Variants in ZC3H12B observed in about 807,000 individuals in gnomAD.
ZC3H12B encodes the protein zinc finger CCCH-type containing 12B.
Under a neutral mutation model 43.9 loss-of-function variants are expected in ZC3H12B, and 7 were observed. The ratio of observed to expected loss-of-function variants is 0.16; its 90% CI spans 0.09 to 0.30. The LOEUF (loss-of-function observed/expected upper bound fraction) is 0.30, where lower values mean the gene tolerates loss of function less well. Ranked by LOEUF, ZC3H12B falls within the 10% of genes least tolerant of loss-of-function variation. ZC3H12B has a pLI of 1.00. For synonymous variants in ZC3H12B, 222 were observed against 241.7 expected, an observed-to-expected ratio of 0.92 and a Z score of 0.76; for missense variants, 475 against 670.2, an observed-to-expected ratio of 0.71 and a Z score of 3.22.
chrX:65,478,965 C>A (rs899060867), intron 3 of ZC3H12B, among the ~76,000 whole-genome samples: 1 of 112,145 alleles, frequency 8.9e-6, no homozygotes, highest in Admixed American at 9.5e-5. Flanking sequence ...CCCCATCAGG[C>A]AGCTGTGATA....
At chrX:65,216,752 T>G in the ZC3H12B span, among the ~76,000 whole-genome samples, 1 of 111,860 alleles carries the variant, frequency 8.9e-6, no homozygotes, top group East Asian at 2.8e-4. Context: ...TCTTACAACA[T>G]GAGTACTAGC....
the ZC3H12B span, among the ~76,000 whole-genome samples, chrX:65,229,411 G>T: frequency 9.3e-6 from 1 of 107,384 alleles, no homozygotes; most frequent in Non-Finnish European, 1.9e-5. Flanking sequence ...TTAAACGTTA[G>T]ACCTAAAACC....
At chrX:65,161,410 G>A in the ZC3H12B span, among the ~76,000 whole-genome samples, 1 of 111,327 alleles carries the variant, frequency 9.0e-6, no homozygotes, top group Non-Finnish European at 1.9e-5. Flanking sequence ...TCTCTTTGTA[G>A]GTCACTCAGG....
the ZC3H12B span, among the ~76,000 whole-genome samples, chrX:65,162,442 A>G: frequency 9.0e-6 from 1 of 111,433 alleles, no homozygotes; most frequent in Admixed American, 9.6e-5. Flanking sequence ...AAAGTCCCTT[A>G]TTTCCTGGAG....
chrX:65,045,144 C>T, the ZC3H12B span, among the ~76,000 whole-genome samples: 2 of 111,355 alleles, frequency 1.8e-5, no homozygotes, highest in South Asian at 7.6e-4. Context: ...AGGATTTTTC[C>T]TTGATGTAGA....
the ZC3H12B span, among the ~76,000 whole-genome samples, chrX:65,164,795 A>G: frequency 8.9e-6 from 1 of 112,027 alleles, no homozygotes; most frequent in Non-Finnish European, 1.9e-5. Context: ...AGGTACTGGC[A>G]ATTTCCCCTC....
chrX:65,217,032 C>T, the ZC3H12B span, among the ~76,000 whole-genome samples: 1 of 111,280 alleles, frequency 9.0e-6, no homozygotes, highest in Non-Finnish European at 1.9e-5. Flanking sequence ...CAACCCAGAG[C>T]AGTACCAACT....
At chrX:65,153,364 A>T in the ZC3H12B span, among the ~76,000 whole-genome samples, 1 of 112,211 alleles carries the variant, frequency 8.9e-6, no homozygotes, top group Non-Finnish European at 1.9e-5. Flanking sequence ...CAGAATCTAC[A>T]ATGAACTCAA....
chrX:65,460,921 C>G (rs1283582106), intron 3 of ZC3H12B, among the ~76,000 whole-genome samples: 16 of 111,517 alleles, frequency 1.4e-4, no homozygotes, highest in African/African-American at 5.2e-4. Context: ...AGTGAACAGG[C>G]AACCTACAGA....
At chrX:65,187,184 G>A in the ZC3H12B span, 1 of 111,604 alleles carries the variant, frequency 9.0e-6, no homozygotes, top group South Asian at 3.7e-4. Context: ...ATGCACTATT[G>A]TATCATTTCT....
At chrX:65,211,693 T>C in the ZC3H12B span, among the ~76,000 whole-genome samples, 1 of 89,751 alleles carries the variant, frequency 1.1e-5, no homozygotes, top group African/African-American at 4.1e-5. Flanking sequence ...ATATATAATA[T>C]TATATAATAT....
intron 3 of ZC3H12B, among the ~76,000 whole-genome samples, chrX:65,444,039 C>A (rs1362040627): frequency 8.9e-6 from 1 of 112,104 alleles, no homozygotes; most frequent in East Asian, 2.8e-4. Flanking sequence ...TTACTGCTGT[C>A]ATTTCGTTAT....
At chrX:65,472,425 TG>T (rs2067929865) in intron 3 of ZC3H12B, among the ~76,000 whole-genome samples, 1 of 110,391 alleles carries the variant, frequency 9.1e-6, no homozygotes, top group South Asian at 3.8e-4. Flanking sequence ...TGTTTTTGTT[TG>T]TTTGTCGTAA....
chrX:65,169,728 T>A, the ZC3H12B span, among the ~76,000 whole-genome samples: 18 of 112,342 alleles, frequency 1.6e-4, no homozygotes, highest in African/African-American at 5.5e-4. Context: ...CTGTATTGGG[T>A]GCATATATAT....
the ZC3H12B span, among the ~76,000 whole-genome samples, chrX:65,212,314 T>TATAATATATATTATATAATATATAATATA: frequency 3.2e-4 from 1 of 3,091 alleles, no homozygotes; most frequent in Non-Finnish European, 5.7e-4. Context: ...ATAATATAAT[T>TATAATATATATTATATAATATATAATATA]ATTATATTTA....
At chrX:65,285,781 G>A in the ZC3H12B span, among the ~76,000 whole-genome samples, 2 of 111,226 alleles carry the variant, frequency 1.8e-5, no homozygotes, top group African/African-American at 6.5e-5. Context: ...TATTAGGAAA[G>A]CAAGCAAGAA....
the ZC3H12B span, among the ~76,000 whole-genome samples, chrX:65,268,612 A>C: frequency 8.9e-6 from 1 of 112,853 alleles, no homozygotes; most frequent in African/African-American, 3.2e-5. Context: ...ACATATGCAA[A>C]TCAATGTGAT....
At chrX:65,238,335 T>A in the ZC3H12B span, among the ~76,000 whole-genome samples, 1 of 111,787 alleles carries the variant, frequency 8.9e-6, no homozygotes, top group African/African-American at 3.2e-5. Flanking sequence ...GAGGTGTATG[T>A]GTCCAGAAAT....
At chrX:65,343,826 T>A in the ZC3H12B span, among the ~76,000 whole-genome samples, 1 of 111,132 alleles carries the variant, frequency 9.0e-6, no homozygotes, top group East Asian at 2.8e-4. Context: ...TCTCACCAGA[T>A]CCATAAGGCA....
Sources: gnomAD v4.1 joint callset for allele counts (sites outside exome capture counted in the v4.1 genomes callset) on GRCh38, gnomAD v4.1.1 for gene constraint, MANE v1.5 for transcripts, NCBI Gene and HGNC (gene_info 2026-07-23, HGNC 2026-07-21) for gene names.